Variants in TPST2 observed in about 807,000 individuals in gnomAD.
The protein encoded by TPST2 is protein-tyrosine sulfotransferase 2.
Under a neutral mutation model 27.8 loss-of-function variants are expected in TPST2, and 16 were observed. That is an observed-to-expected ratio of 0.58 (90% CI 0.39 to 0.88). The LOEUF (loss-of-function observed/expected upper bound fraction) is 0.88. Among genes scored for constraint, TPST2 ranks in the 40% least tolerant of loss-of-function variants. The pLI is 0.00. For synonymous variants in TPST2, 229 were observed against 231.7 expected, an observed-to-expected ratio of 0.99 and a Z score of 0.10; for missense variants, 464 against 543.1, an observed-to-expected ratio of 0.85 and a Z score of 1.45.
intron 1 of TPST2, among the ~76,000 whole-genome samples, chr22:26,566,595 T>A (rs1481404265): frequency 2.0e-5 from 3 of 148,572 alleles, no homozygotes; most frequent in African/African-American, 7.5e-5. Flanking sequence ...GAAAAAAAAA[T>A]ACAAAAATCA....
chr22:26,570,527 C>A (rs1927589205), intron 1 of TPST2, among the ~76,000 whole-genome samples: 1 of 152,148 alleles, frequency 6.6e-6, no homozygotes, highest in East Asian at 1.9e-4. Context: ...GCACAGGTAT[C>A]AGGAGGTCAC....
chr22:26,565,900 T>C (rs1003012881), intron 1 of TPST2, among the ~76,000 whole-genome samples: 2 of 152,190 alleles, frequency 1.3e-5, no homozygotes, highest in African/African-American at 4.8e-5. Context: ...TAGAAATGGC[T>C]AATCTGTACA....
chr22:26,555,148 A>C, intron 1 of TPST2: 3 of 532,220 alleles, frequency 5.6e-6, no homozygotes, highest in Non-Finnish European at 7.7e-6. Flanking sequence ...CGTGGAGCTG[A>C]GGGAATTTGC....
intron 3 of TPST2, among the ~76,000 whole-genome samples, chr22:26,537,218 A>G (rs1925517644): frequency 6.6e-6 from 1 of 152,168 alleles, no homozygotes; most frequent in Admixed American, 6.5e-5. Flanking sequence ...GGAGCACACC[A>G]CCTTCTCTAA....
chr22:26,554,552 C>A (rs997181706), intron 1 of TPST2, among the ~76,000 whole-genome samples: 5 of 152,176 alleles, frequency 3.3e-5, no homozygotes, highest in African/African-American at 1.2e-4. Flanking sequence ...AGCAATGCAG[C>A]CCTGGGTTGG....
At chr22:26,569,923 G>T (rs1221330051) in intron 1 of TPST2, among the ~76,000 whole-genome samples, 1 of 137,636 alleles carries the variant, frequency 7.3e-6, no homozygotes, top group Non-Finnish European at 1.5e-5. Flanking sequence ...CTGCACTCCA[G>T]CCTGGGTGTC....
In TPST2 at chr22:26,558,800, G is replaced by A. The variant is rs567231702; in HGVS notation, c.-160-14125C>T. The stretch of plus-strand genomic sequence containing the variant: ...GGGTGCCAAAAAACTCAGTAACCAA[G>A]ATCAATAATGTTTCAATGCAATCTT... On this transcript the variant is annotated intron_variant, in intron 1 of 6. Transcript: ENST00000338754. Among the ~76,000 whole-genome samples the A allele has an allele frequency of 4.6e-5, 7 of 152,270 alleles. No individual in the cohort carries two copies. In the South Asian group the frequency reaches 1.4e-3, roughly 32 times the overall value.
intron 1 of TPST2, among the ~76,000 whole-genome samples, chr22:26,582,520 C>T (rs1027947254): frequency 2.0e-5 from 3 of 152,146 alleles, no homozygotes; most frequent in Non-Finnish European, 2.9e-5. Context: ...ATCTGAGAGG[C>T]CTGGGTACTC....
At position 26,566,638 on chromosome 22, in the gene TPST2, G is replaced by A. The variant is rs147084578; in HGVS notation, c.-160-21963C>T. ...ATGGTAGCAGGCGCCTGTAATCCCA[G>A]CTGCTCAGGAGGCTGAGGCAGAAGA... On this transcript the variant is annotated intron_variant, in intron 1 of 6. Coordinates refer to ENST00000338754, the MANE Select transcript of TPST2 (RefSeq NM_003595.5). 1.6e-4 allele frequency among the ~76,000 whole-genome samples: 25 copies of A among 152,210 alleles called. 1 individual carries two copies. The East Asian group carries it at 4.6e-3, about 28-fold the overall frequency.
intron 1 of TPST2, among the ~76,000 whole-genome samples, chr22:26,568,441 G>A (rs539420512): frequency 3.9e-5 from 6 of 152,290 alleles, no homozygotes; most frequent in African/African-American, 2.4e-5. Flanking sequence ...GAAGTCAGCA[G>A]GACTGCTTTC....
At chr22:26,554,254 C>G (rs950640333) in intron 1 of TPST2, among the ~76,000 whole-genome samples, 3 of 152,190 alleles carry the variant, frequency 2.0e-5, no homozygotes, top group Non-Finnish European at 2.9e-5. Flanking sequence ...CCAGGTCAGA[C>G]AGCTGCTCAG....
intron 3 of TPST2, 24 bp from the exon 4 acceptor site, chr22:26,536,510 G>A (rs2147182276): frequency 2.7e-6 from 4 of 1,500,362 alleles, no homozygotes; most frequent in Non-Finnish European, 3.6e-6. Context: ...AGACGCTGGA[G>A]AGGGTAGGGC....
At chr22:26,540,081 T>C (rs535175582) in intron 3 of TPST2, among the ~76,000 whole-genome samples, 4 of 152,312 alleles carry the variant, frequency 2.6e-5, no homozygotes, top group African/African-American at 9.6e-5. Context: ...TAATAGCACC[T>C]AACATTTATT....
At position 26,524,659 on chromosome 22, in the gene TPST2, C is replaced by A. The variant is rs1013716135; in HGVS notation, c.*1616G>T. The A allele has an allele frequency of 6.6e-6, 1 of 152,228 alleles. No homozygotes were observed. Among genetic ancestry groups the A allele is most frequent in the African/African-American group, 2.4e-5 (1 of 41,438 alleles). 9.4% of individuals were successfully genotyped at this position (152,228 alleles called of 1,614,324 possible). ...ATAAGTCACTGCCTTCCAAAAGCCT[C>A]ATATTATCATGAGATATAAGGCAAG... On this transcript the variant is annotated 3_prime_UTR_variant, in exon 7 of 7. Coordinates refer to ENST00000338754, the MANE Select transcript of TPST2 (RefSeq NM_003595.5).
At chr22:26,539,228 T>G (rs1051250617) in intron 3 of TPST2, among the ~76,000 whole-genome samples, 8 of 152,050 alleles carry the variant, frequency 5.3e-5, no homozygotes, top group Admixed American at 5.2e-4. Flanking sequence ...GGACCAGCCA[T>G]GGGAAGGACC....
rs1372009384 is a variant in TPST2, at chr22:26,540,987, T to C, written c.644A>G (p.Asn215Ser). Residue 215 changes from asparagine (N) to serine (S), a missense_variant, in exon 3 of 7, where the codon AAC becomes AGC. Physicochemically the swap from Asn to Ser is conservative, Grantham distance 46. Transcript: ENST00000338754. Reference protein sequence around the residue: ...SSYRDCLTKWNKAIEVMYAQC... With the variant: ...SSYRDCLTKWSKAIEVMYAQC... ...GGCGTACATCACCTCGATGGCCTTG[T>C]TCCACTTGGTGAGGCAGTCACGGTA... 2.5e-6 allele frequency: 4 copies of C among 1,614,084 alleles called. No individual in the cohort carries two copies. The highest frequency in any genetic ancestry group is 2.2e-5 in the East Asian group (1 of 44,894).
intron 1 of TPST2, among the ~76,000 whole-genome samples, chr22:26,558,835 A>C (rs1926937329): frequency 6.6e-6 from 1 of 152,242 alleles, no homozygotes; most frequent in Admixed American, 6.5e-5. Flanking sequence ...TTTTTAGATC[A>C]GTGGAAAAAA....
chr22:26,584,043 G>A lies in TPST2; in HGVS notation c.-161+6010C>T, dbSNP rs566891478. Among the ~76,000 whole-genome samples, 12 of 152,328 alleles carry A rather than the reference G, an allele frequency of 7.9e-5. No individual in the cohort carries two copies. The South Asian group carries it at 2.5e-3, about 32-fold the overall frequency. ...TTGGCCTAAGCTCCTGGGTTTCCAA[G>A]AGAAATGAGAAATCAGAATTTTTCT... On this transcript the variant is annotated intron_variant, in intron 1 of 6. Coordinates refer to ENST00000338754, the MANE Select transcript of TPST2 (RefSeq NM_003595.5).
chr22:26,564,329 G>A (rs901322557), intron 1 of TPST2, among the ~76,000 whole-genome samples: 16 of 152,242 alleles, frequency 1.1e-4, no homozygotes, highest in African/African-American at 3.6e-4. Context: ...GTTCCTGAGG[G>A]AGGGAGCAGG....
Sources: allele counts gnomAD v4.1 joint callset (sites outside exome capture counted in the v4.1 genomes callset), GRCh38; gene constraint gnomAD v4.1.1; transcripts MANE v1.5; gene names NCBI Gene and HGNC (gene_info 2026-07-23, HGNC 2026-07-21).